TRAPPC9: variants seen among roughly 807,000 people sequenced by gnomAD.
TRAPPC9 encodes the protein trafficking protein particle complex subunit 9.
TRAPPC9 carries 83 observed loss-of-function variants against 124.0 expected under a neutral mutation model. That is an observed-to-expected ratio of 0.67 (90% confidence interval 0.56 to 0.80). The LOEUF (loss-of-function observed/expected upper bound fraction) is 0.80, where lower values mean the gene tolerates loss of function less well. Ranked by LOEUF, TRAPPC9 falls within the 30% of genes least tolerant of loss-of-function variation. TRAPPC9 has a pLI of 0.00. For synonymous variants in TRAPPC9, 638 were observed against 617.5 expected (o/e 1.03, Z -0.49); for missense variants, 1,302 against 1,508.3 (o/e 0.86, Z 2.27).
chr8:140,059,454 T>C (rs1422695737), intron 17 of TRAPPC9, among the ~76,000 whole-genome samples: 1 of 152,236 alleles, frequency 6.6e-6, no homozygotes, highest in Non-Finnish European at 1.5e-5. Context: ...TCATTTCCCT[T>C]GGGTAAGTAC....
chr8:140,228,919 T>C (rs541986096), intron 16 of TRAPPC9, among the ~76,000 whole-genome samples: 2 of 152,306 alleles, frequency 1.3e-5, no homozygotes, highest in East Asian at 3.9e-4. Flanking sequence ...GAATAACGAT[T>C]AGACCAGAAG....
Position 139,833,701 on chromosome 8 carries a change from G to A in TRAPPC9, c.3055+52178C>T, listed in dbSNP as rs752755886. On this transcript the variant is annotated intron_variant, in intron 21 of 22. Transcript: ENST00000438773. ...AAGAGGCATTTCCAGAAGCAGCTGC[G>A]GCCACCAAAGAAGGGCCGCTGCTAA... 3.9e-5 allele frequency among the ~76,000 whole-genome samples: 6 copies of A among 152,208 alleles called. No homozygotes were observed. In the East Asian group the frequency reaches 9.6e-4, roughly 24 times the overall value.
chr8:139,920,539 T>C (rs575428740), intron 19 of TRAPPC9, among the ~76,000 whole-genome samples: 3 of 152,342 alleles, frequency 2.0e-5, no homozygotes, highest in African/African-American at 7.2e-5. Context: ...CAGGAGCCAG[T>C]GAGTGACCTA....
intron 3 of TRAPPC9, among the ~76,000 whole-genome samples, chr8:140,438,144 C>T (rs1307889272): frequency 3.3e-5 from 5 of 152,126 alleles, no homozygotes; most frequent in African/African-American, 1.2e-4. Flanking sequence ...ACCTTATGCC[C>T]GTTAACTGTC....
At chr8:139,795,377 T>A (rs1245236438) in intron 21 of TRAPPC9, among the ~76,000 whole-genome samples, 25 of 152,292 alleles carry the variant, frequency 1.6e-4, no homozygotes. Context: ...ACACTTCTCC[T>A]GGACACAGAG....
intron 7 of TRAPPC9, among the ~76,000 whole-genome samples, chr8:140,373,015 G>A (rs2068327105): frequency 6.6e-6 from 1 of 152,158 alleles, no homozygotes; most frequent in Admixed American, 6.5e-5. Context: ...CTGGAAATTC[G>A]AGGCCCCACT....
intron 21 of TRAPPC9, among the ~76,000 whole-genome samples, chr8:139,737,810 G>A (rs1208522372): frequency 2.0e-5 from 3 of 152,198 alleles, no homozygotes; most frequent in Non-Finnish European, 4.4e-5. Flanking sequence ...CACGTCAAGT[G>A]GGGTTTTGTT....
At chr8:140,150,034 G>A (rs2061520687) in intron 17 of TRAPPC9, among the ~76,000 whole-genome samples, 1 of 152,216 alleles carries the variant, frequency 6.6e-6, no homozygotes, top group African/African-American at 2.4e-5. Flanking sequence ...AGGACATAGA[G>A]GCAGTCCATC....
At chr8:139,935,531 C>T (rs1833452895) in intron 19 of TRAPPC9, among the ~76,000 whole-genome samples, 1 of 152,172 alleles carries the variant, frequency 6.6e-6, no homozygotes. Context: ...CTTTCTAGCT[C>T]CTTGCCTATA....
intron 17 of TRAPPC9, among the ~76,000 whole-genome samples, chr8:140,113,544 T>C (rs957266814): frequency 2.0e-5 from 3 of 152,212 alleles, no homozygotes; most frequent in Non-Finnish European, 2.9e-5. Flanking sequence ...AGCAGGCACC[T>C]GCCTGGCCAC....
chr8:140,451,918 C>T (rs1321208882), intron 1 of TRAPPC9, among the ~76,000 whole-genome samples: 1 of 152,044 alleles, frequency 6.6e-6, no homozygotes, highest in East Asian at 1.9e-4. Flanking sequence ...GTCAGGAATT[C>T]GAGACCAGCC....
chr8:139,948,257 ACAC>A (rs1834398118), intron 19 of TRAPPC9, among the ~76,000 whole-genome samples: 151 of 29,266 alleles, frequency 5.2e-3, no homozygotes, highest in African/African-American at 8.1e-3. Flanking sequence ...AAACACACAC[ACAC>A]ACACACACAC....
chr8:140,240,335 AG>A (rs2063829365), intron 16 of TRAPPC9, among the ~76,000 whole-genome samples: 3 of 152,194 alleles, frequency 2.0e-5, no homozygotes, highest in African/African-American at 7.2e-5. Flanking sequence ...ATGCAAACCC[AG>A]CAGCGTCCAA....
chr8:140,309,408 C>T (rs1344579878), intron 10 of TRAPPC9, among the ~76,000 whole-genome samples: 1 of 152,224 alleles, frequency 6.6e-6, no homozygotes, highest in Admixed American at 6.5e-5. Flanking sequence ...CAGGGCCTCT[C>T]GCTTAACTCC....
chr8:140,178,366 T>C (rs1304619332), intron 17 of TRAPPC9, among the ~76,000 whole-genome samples: 1 of 152,180 alleles, frequency 6.6e-6, no homozygotes, highest in Non-Finnish European at 1.5e-5. Context: ...TCATGGTTTT[T>C]ATTCTCCTTC....
chr8:139,967,984 C>CA (rs1284759869), intron 19 of TRAPPC9, among the ~76,000 whole-genome samples: 2 of 151,508 alleles, frequency 1.3e-5, no homozygotes, highest in African/African-American at 2.4e-5. Flanking sequence ...ACTAAAAATA[C>CA]AAAAAAATTA....
At chr8:140,350,735 G>C (rs557427083) in intron 9 of TRAPPC9, among the ~76,000 whole-genome samples, 1 of 152,246 alleles carries the variant, frequency 6.6e-6, no homozygotes, top group Admixed American at 6.5e-5. Context: ...AAAAGTCTTG[G>C]CACGTAAGCA....
chr8:140,006,792 T>C (rs1251006201), intron 18 of TRAPPC9, among the ~76,000 whole-genome samples: 1 of 152,028 alleles, frequency 6.6e-6, no homozygotes, highest in Non-Finnish European at 1.5e-5. Context: ...GAAGGTAGAT[T>C]AGTGGTAGAT....
chr8:140,124,719 G>A (rs4736140), intron 17 of TRAPPC9, among the ~76,000 whole-genome samples: 6 of 59,742 alleles, frequency 1.0e-4, no homozygotes, highest in Admixed American at 2.0e-4. Flanking sequence ...AGGACCCTCC[G>A]AGGGGAGGAC....
Sources: gnomAD v4.1 joint callset for allele counts (sites outside exome capture counted in the v4.1 genomes callset) on GRCh38, gnomAD v4.1.1 for gene constraint, MANE v1.5 for transcripts, NCBI Gene and HGNC (gene_info 2026-07-23, HGNC 2026-07-21) for gene names.